CRADD: variants seen among roughly 807,000 people sequenced by gnomAD.
CRADD encodes CARD and death domain containing adaptor protein.
CRADD carries 9 observed loss-of-function variants against 15.5 expected under a neutral mutation model. The observed-to-expected ratio is 0.58, with a 90% CI of 0.35 to 1.01. CRADD has a LOEUF of 1.01. Among genes scored for constraint, CRADD ranks in the 50% least tolerant of loss-of-function variants. CRADD has a pLI of 0.02. For missense variants in CRADD, 227 were observed against 250.3 expected (o/e 0.91, Z 0.63); for synonymous variants, 118 against 107.6 (o/e 1.10, Z -0.60).
At chr12:93,832,470 A>C (rs1957917871) in intron 2 of CRADD, among the ~76,000 whole-genome samples, 2 of 152,216 alleles carry the variant, frequency 1.3e-5, no homozygotes, top group Admixed American at 1.3e-4. Context: ...TTTGGCATTA[A>C]TAAGGAAAAC....
At position 93,839,181 on chromosome 12, in the gene CRADD, A is replaced by G. The variant is rs1243997847; in HGVS notation, c.299-10789A>G. On this transcript the variant is annotated intron_variant, in intron 2 of 2. Transcript: ENST00000332896. ...CCCTCTAACTCTGCCAGTATTCCCT[A>G]TGTGCTGTTTTGTATTTCTATATCT... 2.6e-5 allele frequency among the ~76,000 whole-genome samples: 4 copies of G among 151,998 alleles called. No individual in the cohort carries two copies. The East Asian group carries it at 7.7e-4, about 29-fold the overall frequency.
chr12:93,891,688 C>T (rs1323620905), intron 2 of CRADD, among the ~76,000 whole-genome samples: 1 of 152,140 alleles, frequency 6.6e-6, no homozygotes, highest in South Asian at 2.1e-4. Flanking sequence ...ATTATTATCC[C>T]CATTTTAAGA....
intron 2 of CRADD, among the ~76,000 whole-genome samples, chr12:93,752,841 T>C (rs1191370751): frequency 6.6e-6 from 1 of 152,186 alleles, no homozygotes; most frequent in Non-Finnish European, 1.5e-5. Flanking sequence ...AGAGGTTTAT[T>C]GGACTTACAG....
chr12:93,760,339 G>A (rs949838852), intron 2 of CRADD, among the ~76,000 whole-genome samples: 2 of 152,080 alleles, frequency 1.3e-5, no homozygotes, highest in African/African-American at 4.8e-5. Context: ...ATTATGGAAG[G>A]TCTTAAACAT....
At position 93,816,452 on chromosome 12, in the gene CRADD, C is replaced by T. The variant is rs1957699081; in HGVS notation, c.299-33518C>T. On this transcript the variant is annotated intron_variant, in intron 2 of 2. Coordinates refer to ENST00000332896, the MANE Select transcript of CRADD (RefSeq NM_003805.5). Reference sequence around the variant, plus strand: ...ATGTTCGTCAGGCTGGTCTCAAACTCCTGACCTCAAGTCATCTGCCTGCCT... The same window carrying T: ...ATGTTCGTCAGGCTGGTCTCAAACTTCTGACCTCAAGTCATCTGCCTGCCT... Among the ~76,000 whole-genome samples the T allele has an allele frequency of 2.0e-5, 3 of 147,304 alleles. No homozygotes were observed. The Admixed American group carries it at 2.1e-4, about 10-fold the overall frequency.
intron 2 of CRADD, among the ~76,000 whole-genome samples, chr12:93,734,321 T>C (rs1433075180): frequency 1.3e-5 from 2 of 152,234 alleles, no homozygotes; most frequent in Non-Finnish European, 2.9e-5. Flanking sequence ...AAAACAAGTA[T>C]GTGAATTTTG....
chr12:93,783,659 A>G (rs1172721200), intron 2 of CRADD, among the ~76,000 whole-genome samples: 1 of 152,192 alleles, frequency 6.6e-6, no homozygotes, highest in Non-Finnish European at 1.5e-5. Context: ...ATAAAATAAC[A>G]TTTATTTATG....
rs551654731 is a variant in CRADD, at chr12:93,838,546, G to A, written c.299-11424G>A. ...CCCTCCTTCCTTCCCTTCCTCCCTT[G>A]CTTCTCTCTTTCTCTCTCTTTTTTT... On this transcript the variant is annotated intron_variant, in intron 2 of 2. Transcript: ENST00000332896. Among the ~76,000 whole-genome samples, 994 of 138,840 alleles carry A rather than the reference G, an allele frequency of 7.2e-3. 10 individuals carry two copies. The highest frequency in any genetic ancestry group is 0.024 in the Middle Eastern group (6 of 252). The allele number at this position is 138,840 out of a possible 152,430, so 91.1% of individuals were successfully genotyped here. A position where few individuals can be genotyped will look rare whatever the true frequency, so the allele number is the denominator to read the frequency against.
chr12:93,837,622 C>T (rs1230423652), intron 2 of CRADD: 3 of 151,942 alleles, frequency 2.0e-5, no homozygotes, highest in Non-Finnish European at 4.4e-5. Context: ...TACTAAAGGC[C>T]CACGAGGGTT....
intron 2 of CRADD, among the ~76,000 whole-genome samples, chr12:93,779,963 C>T (rs548717146): frequency 1.3e-5 from 2 of 152,272 alleles, no homozygotes; most frequent in African/African-American, 4.8e-5. Flanking sequence ...GATTGAAAGA[C>T]AAGCACATGA....
Position 93,783,228 on chromosome 12 carries a change from G to GTGT in CRADD, c.299-66741_299-66740insGTT, listed in dbSNP as rs1445138777. On this transcript the variant is annotated intron_variant, in intron 2 of 2. Coordinates refer to ENST00000332896, the MANE Select transcript of CRADD (RefSeq NM_003805.5). ...TCAGCCTTCCAAGTTACAGGTATAGGTATTATTATTATTATTATTATTATT... is the reference window on the plus strand; with the variant it reads ...TCAGCCTTCCAAGTTACAGGTATAGGTGTTATTATTATTATTATTATTATTATT... Among the ~76,000 whole-genome samples, 208 of 139,364 alleles carry GTGT rather than the reference G, an allele frequency of 1.5e-3. 2 individuals are homozygous for GTGT. The highest frequency in any genetic ancestry group is 5.4e-3 in the African/African-American group (204 of 38,080). 91.4% of individuals were successfully genotyped at this position (139,364 alleles called of 152,430 possible).
intron 2 of CRADD, among the ~76,000 whole-genome samples, chr12:93,696,234 G>A (rs913878131): frequency 6.6e-6 from 1 of 152,076 alleles, no homozygotes. Flanking sequence ...CCACTACTGG[G>A]TATATATCCA....
At chr12:93,797,220 G>C (rs569493816) in intron 2 of CRADD, among the ~76,000 whole-genome samples, 1 of 152,248 alleles carries the variant, frequency 6.6e-6, no homozygotes, top group South Asian at 2.1e-4. Context: ...AGAGTGAGGG[G>C]AACACATGAG....
chr12:93,745,942 A>C (rs906619509), intron 2 of CRADD, among the ~76,000 whole-genome samples: 26 of 152,198 alleles, frequency 1.7e-4, no homozygotes, highest in African/African-American at 6.0e-4. Context: ...GGAAACTTAC[A>C]CACATACACA....
At chr12:93,801,860 G>A (rs917351277) in intron 2 of CRADD, among the ~76,000 whole-genome samples, 11 of 151,942 alleles carry the variant, frequency 7.2e-5, no homozygotes, top group African/African-American at 1.7e-4. Context: ...CCTCCCATCC[G>A]GCCACAACAA....
At chr12:93,737,044 G>A (rs1956582958) in intron 2 of CRADD, among the ~76,000 whole-genome samples, 1 of 152,222 alleles carries the variant, frequency 6.6e-6, no homozygotes, top group South Asian at 2.1e-4. Context: ...AAATGTACAA[G>A]GGGTAGAGGA....
At chr12:93,886,661 C>T (rs186591806) in intron 2 of CRADD, among the ~76,000 whole-genome samples, 10 of 152,252 alleles carry the variant, frequency 6.6e-5, no homozygotes, top group African/African-American at 2.4e-4. Flanking sequence ...CCCAGGACCA[C>T]AAGAATGAGC....
intron 2 of CRADD, among the ~76,000 whole-genome samples, chr12:93,889,697 G>A (rs1384696345): frequency 6.6e-6 from 1 of 152,174 alleles, no homozygotes; most frequent in African/African-American, 2.4e-5. Flanking sequence ...GATGCAACTG[G>A]AGGTGATGCC....
downstream of CRADD, among the ~76,000 whole-genome samples, chr12:93,853,436 A>C (rs1339450277): frequency 7.4e-6 from 1 of 135,854 alleles, no homozygotes; most frequent in East Asian, 2.6e-4. Context: ...CGAGTCCTAT[A>C]ATTTTTGTGG....
Sources: gnomAD v4.1 joint callset for allele counts (sites outside exome capture counted in the v4.1 genomes callset) on GRCh38, gnomAD v4.1.1 for gene constraint, MANE v1.5 for transcripts, NCBI Gene and HGNC (gene_info 2026-07-23, HGNC 2026-07-21) for gene names.